Variants in CHRNB2 observed in about 807,000 individuals in gnomAD.
CHRNB2 encodes the protein cholinergic receptor nicotinic beta 2 subunit.
Under a neutral mutation model 42.7 loss-of-function variants are expected in CHRNB2, and 33 were observed. That is an observed-to-expected ratio of 0.77 (90% CI 0.59 to 1.03). The LOEUF (loss-of-function observed/expected upper bound fraction) is 1.03. Among genes scored for constraint, CHRNB2 ranks in the 50% least tolerant of loss-of-function variants. The pLI is 0.00. For missense variants in CHRNB2, 603 were observed against 700.9 expected (o/e 0.86, Z 1.58); for synonymous variants, 325 against 292.9 (o/e 1.11, Z -1.12).
intron 5 of CHRNB2, 28 bp downstream of exon 5, chr1:154,572,189 C>T (rs1417274465): frequency 6.5e-7 from 1 of 1,535,404 alleles, no homozygotes; most frequent in Non-Finnish European, 8.7e-7. Context: ...GGACCCCGGG[C>T]GTGAGATATG....
intron 1 of CHRNB2, among the ~76,000 whole-genome samples, chr1:154,568,916 A>G (rs1209237598): frequency 1.3e-5 from 2 of 151,986 alleles, no homozygotes; most frequent in African/African-American, 2.4e-5. Flanking sequence ...GGAGGATGGC[A>G]TCGTGACCAC....
In CHRNB2 at chr1:154,578,508, T is replaced by C. The variant is rs1457508410; in HGVS notation, c.*2576T>C. 1 of 152,178 alleles carries C rather than the reference T, an allele frequency of 6.6e-6. No individual in the cohort carries two copies. The highest frequency in any genetic ancestry group is 1.5e-5 in the Non-Finnish European group (1 of 68,048). The allele number at this position is 152,178 out of a possible 1,614,324, so 9.4% of individuals were successfully genotyped here. ...CTTCAGCAAGGAAGAAAGGGGTCAG[T>C]GTATATGAAAGGGTTACCTGGGCAG... On this transcript the variant is annotated 3_prime_UTR_variant, in exon 6 of 6. Transcript: ENST00000368476.
At position 154,579,129 on chromosome 1, in the gene CHRNB2, G is replaced by A. The variant is rs1394576807; in HGVS notation, c.*3197G>A. The A allele has an allele frequency of 6.6e-6, 1 of 152,190 alleles. No individual in the cohort carries two copies. Among genetic ancestry groups the A allele is most frequent in the Non-Finnish European group, 1.5e-5 (1 of 68,052 alleles). The allele number at this position is 152,190 out of a possible 1,614,324, so 9.4% of individuals were successfully genotyped here. A position where few individuals can be genotyped will look rare whatever the true frequency, so the allele number is the denominator to read the frequency against. ...GCCCCCAGGTGGTGTGTTCTACTGAGGAAGGCTACGGCAGAGGAAGGGCAA... is the reference window on the plus strand; with the variant it reads ...GCCCCCAGGTGGTGTGTTCTACTGAAGAAGGCTACGGCAGAGGAAGGGCAA... On this transcript the variant is annotated 3_prime_UTR_variant, in exon 6 of 6. Transcript: ENST00000368476.
chr1:154,571,438 C>G lies in CHRNB2; in HGVS notation c.615C>G (p.Ile205Met), dbSNP rs202243284. 6.2e-7 allele frequency: 1 copy of G among 1,614,162 alleles called. No individual in the cohort carries two copies. Among genetic ancestry groups the G allele is most frequent in the Admixed American group, 1.7e-5 (1 of 60,032 alleles). ...DDFTPSGEWD[I>M]VALPGRRNEN... ...TCACACCTAGTGGTGAGTGGGACATCGTGGCGCTGCCGGGCCGGCGCAACG... is the reference window on the plus strand; with the variant it reads ...TCACACCTAGTGGTGAGTGGGACATGGTGGCGCTGCCGGGCCGGCGCAACG... Residue 205 changes from isoleucine (I) to methionine (M), a missense_variant, in exon 5 of 6, where the codon ATC becomes ATG. Physicochemically the swap from Ile to Met is conservative, Grantham distance 10 (BLOSUM62 1). This residue lies in a region of CHRNB2 where 333 missense variants were observed against 452.6 expected (regional missense o/e 0.74). Coordinates refer to ENST00000368476, the MANE Select transcript of CHRNB2 (RefSeq NM_000748.3). The surrounding 1 kb of genome is among the most constrained non-coding windows in gnomAD (Gnocchi z 6.8).
At chr1:154,573,517 A>C (rs1696214895) in intron 5 of CHRNB2, among the ~76,000 whole-genome samples, 1 of 152,140 alleles carries the variant, frequency 6.6e-6, no homozygotes, top group Non-Finnish European at 1.5e-5. Flanking sequence ...AATTCATCAG[A>C]AGTCTTGTCC....
rs769478055 is a variant in CHRNB2 at position 154,571,574 on chromosome 1, C to G, written c.751C>G (p.Leu251Val). The G allele has an allele frequency of 1.2e-6, 2 of 1,614,208 alleles. No individual in the cohort carries two copies. Among genetic ancestry groups the G allele is most frequent in the Non-Finnish European group, 1.7e-6 (2 of 1,180,026 alleles). The change falls in exon 5 of 6, where the codon CTA becomes GTA. Residue 251 changes from leucine (L) to valine (V), a missense_variant. Physicochemically the swap from Leu to Val is conservative, Grantham distance 32. Around this residue, in one of 2 missense-constraint regions of CHRNB2, gnomAD observed 333 missense variants for 452.6 expected, o/e 0.74. Coordinates refer to ENST00000368476, the MANE Select transcript of CHRNB2 (RefSeq NM_000748.3). The surrounding 1 kb of genome is among the most constrained non-coding windows in gnomAD (Gnocchi z 6.8). ...LIIPCVLITSLAILVFYLPSD... is the reference protein window; with the variant it reads ...LIIPCVLITSVAILVFYLPSD... The stretch of plus-strand genomic sequence containing the variant: ...CATCCCCTGTGTGCTCATCACCTCG[C>G]TAGCCATCCTTGTCTTCTACCTGCC...
In CHRNB2 at chr1:154,572,152, T is replaced by C. The variant is rs1451511201; in HGVS notation, c.1329T>C (p.Asp443=). The C allele has an allele frequency of 2.6e-6, 4 of 1,537,312 alleles. No individual in the cohort carries two copies. Among genetic ancestry groups the C allele is most frequent in the Non-Finnish European group, 3.5e-6 (4 of 1,146,518 alleles). ...CAGACCACATGCGGAGCGAGGACGA[T>C]GACCAGAGCGTGAGTGCCGCAGGCT... ...FIADHMRSED[D]DQSVSEDWKY... is the part of the protein sequence containing the mutation. The change falls in exon 5 of 6, where the codon GAT becomes GAC. Residue 443 remains aspartate, a synonymous_variant. Transcript: ENST00000368476.
Position 154,578,356 on chromosome 1 carries a change from T to C in CHRNB2, c.*2424T>C, listed in dbSNP as rs1180874747. The C allele has an allele frequency of 6.6e-6, 1 of 152,268 alleles. No homozygotes were observed. The highest frequency in any genetic ancestry group is 2.4e-5 in the African/African-American group (1 of 41,462). 9.4% of individuals were successfully genotyped at this position (152,268 alleles called of 1,614,324 possible). A position where few individuals can be genotyped will look rare whatever the true frequency, so the allele number is the denominator to read the frequency against. On this transcript the variant is annotated 3_prime_UTR_variant, in exon 6 of 6. Coordinates refer to ENST00000368476, the MANE Select transcript of CHRNB2 (RefSeq NM_000748.3). ...AGAGGGGATGGCAGAGAGCAGCTTG[T>C]CCAGCTCCTCTCCATGACCCGGTTA...
chr1:154,571,573 G>C lies in CHRNB2; in HGVS notation c.750G>C (p.Ser250=). The C allele has an allele frequency of 6.2e-7, 1 of 1,614,112 alleles. No homozygotes were observed. Among genetic ancestry groups the C allele is most frequent in the South Asian group, 1.1e-5 (1 of 91,082 alleles). ...NLIIPCVLIT[S]LAILVFYLPS... is the part of the protein sequence containing the mutation. ...TCATCCCCTGTGTGCTCATCACCTC[G>C]CTAGCCATCCTTGTCTTCTACCTGC... The change falls in exon 5 of 6, where the codon TCG becomes TCC. Residue 250 remains serine (S), a synonymous_variant. Transcript: ENST00000368476. The surrounding 1 kb of genome is among the most constrained non-coding windows in gnomAD (Gnocchi z 6.8).
At chr1:154,575,061 T>C (rs1696245031) in intron 5 of CHRNB2, among the ~76,000 whole-genome samples, 1 of 152,184 alleles carries the variant, frequency 6.6e-6, no homozygotes, top group African/African-American at 2.4e-5. Context: ...TCTGGGGACG[T>C]AGTGTGGTTG....
In CHRNB2 at chr1:154,571,913, C is replaced by T. The variant is rs1696175146; in HGVS notation, c.1090C>T (p.Arg364Trp). 9 of 1,572,306 alleles carry T rather than the reference C, an allele frequency of 5.7e-6. No homozygotes were observed. Among genetic ancestry groups the T allele is most frequent in the Non-Finnish European group, 7.7e-6 (9 of 1,163,722 alleles). The change falls in exon 5 of 6, where the codon CGG (arginine) becomes TGG (tryptophan). Residue 364 changes from arginine (R) to tryptophan (W), a missense_variant. Physicochemically the swap from Arg to Trp is moderately radical, Grantham distance 101 (BLOSUM62 -3). This residue lies in a region of CHRNB2 where 270 missense variants were observed against 248.3 expected (regional missense o/e 1.09). Transcript: ENST00000368476. The surrounding 1 kb of genome is among the most constrained non-coding windows in gnomAD (Gnocchi z 6.8). ...TTGCGCCCGTCAGCGCCTGCGCCTG[C>T]GGCGACGCCAGCGTGAGCGCGAGGG... is the stretch of plus-strand genomic sequence containing the variant. ...HHCARQRLRL[R>W]RRQREREGAG... is the part of the protein sequence containing the mutation.
intron 5 of CHRNB2, among the ~76,000 whole-genome samples, chr1:154,575,540 G>GT (rs1189788863): frequency 2.0e-5 from 3 of 152,114 alleles, no homozygotes; most frequent in Non-Finnish European, 4.4e-5. Context: ...CATATTTGTC[G>GT]TGGGTGGTCT....
chr1:154,573,249 G>A (rs953311639), intron 5 of CHRNB2, among the ~76,000 whole-genome samples: 2 of 152,284 alleles, frequency 1.3e-5, no homozygotes, highest in Middle Eastern at 3.4e-3. Context: ...TGTGGTTACC[G>A]CCTCCACCTC....
At position 154,567,872 on chromosome 1, in the gene CHRNB2, T is replaced by A. The variant is rs1052840496; in HGVS notation, c.-173T>A. On this transcript the variant is annotated 5_prime_UTR_variant, in exon 1 of 6. Coordinates refer to ENST00000368476, the MANE Select transcript of CHRNB2 (RefSeq NM_000748.3). Reference sequence around the variant, plus strand: ...TACCAGGATAGGCAAGAAGCTGGTTTCTCCTCGCAGCCGGCTCCCTGAGGC... The same window carrying A: ...TACCAGGATAGGCAAGAAGCTGGTTACTCCTCGCAGCCGGCTCCCTGAGGC... 5 of 499,096 alleles carry A rather than the reference T, an allele frequency of 1.0e-5. No individual in the cohort carries two copies. Among genetic ancestry groups the A allele is most frequent in the South Asian group, 3.4e-5 (1 of 29,258 alleles). The allele number at this position is 499,096 out of a possible 1,614,324, so 30.9% of individuals were successfully genotyped here. A position where few individuals can be genotyped will look rare whatever the true frequency, so the allele number is the denominator to read the frequency against.
Position 154,571,164 on chromosome 1 carries a change from G to T in CHRNB2, c.366-25G>T, listed in dbSNP as rs779446847. On this transcript the variant is annotated intron_variant, in intron 4 of 5. Transcript: ENST00000368476. The surrounding 1 kb of genome is among the most constrained non-coding windows in gnomAD (Gnocchi z 6.8). ...AGGAGGAAGGAACGCTTAGGCCAGG[G>T]CTGACTGTGCCCATCCTTTGGCAGT... The T allele has an allele frequency of 1.9e-6, 3 of 1,613,890 alleles. No homozygotes were observed. Among genetic ancestry groups the T allele is most frequent in the Non-Finnish European group, 1.7e-6 (2 of 1,180,028 alleles).
intron 5 of CHRNB2, 86 bp from the exon 6 acceptor site, chr1:154,575,676 G>T: frequency 7.7e-7 from 1 of 1,297,886 alleles, no homozygotes. Flanking sequence ...AGTGGGGTGT[G>T]TGTCTGTGTG....
At position 154,571,384 on chromosome 1, in the gene CHRNB2, G is replaced by A; in HGVS notation, c.561G>A (p.Leu187=). ...ACCGCACAGAGATCGACTTGGTGCT[G>A]AAGAGTGAGGTGGCCAGCCTGGACG... ...TYDRTEIDLV[L]KSEVASLDDF... is the part of the protein sequence containing the mutation. Residue 187 remains leucine (L), a synonymous_variant, in exon 5 of 6, where the codon CTG becomes CTA. Coordinates refer to ENST00000368476, the MANE Select transcript of CHRNB2 (RefSeq NM_000748.3). The surrounding 1 kb of genome is among the most constrained non-coding windows in gnomAD (Gnocchi z 6.8). 1 of 1,614,242 alleles carries A rather than the reference G, an allele frequency of 6.2e-7. No homozygotes were observed.
At position 154,572,063 on chromosome 1, in the gene CHRNB2, G is replaced by T. The variant is rs1024048381; in HGVS notation, c.1240G>T (p.Gly414Trp). 1 of 1,533,788 alleles carries T rather than the reference G, an allele frequency of 6.5e-7. No homozygotes were observed. The highest frequency in any genetic ancestry group is 1.4e-5 in the African/African-American group (1 of 73,084). ...GAEPAPVAGP[G>W]RSGEPCGCGL... ...TGAGCCTGCACCAGTGGCGGGCCCC[G>T]GGCGCTCAGGGGAGCCGTGTGGCTG... The change falls in exon 5 of 6, where the codon GGG becomes TGG. Residue 414 changes from glycine (G) to tryptophan (W), a missense_variant. By Grantham distance (184) the Gly-to-Trp change is radical. This residue lies in a region of CHRNB2 where 270 missense variants were observed against 248.3 expected (regional missense o/e 1.09). Transcript: ENST00000368476.
Position 154,571,926 on chromosome 1 carries a change from G to A in CHRNB2, c.1103G>A (p.Arg368His), listed in dbSNP as rs202114705. 2.6e-6 allele frequency: 4 copies of A among 1,559,622 alleles called. No homozygotes were observed. Among genetic ancestry groups the A allele is most frequent in the East Asian group, 2.4e-5 (1 of 41,954 alleles). The change falls in exon 5 of 6, where the codon CGT (arginine) becomes CAT (histidine). Residue 368 changes from arginine (R) to histidine (H), a missense_variant. Arg to His is a conservative substitution (Grantham distance 29, BLOSUM62 0). Around this residue, in one of 2 missense-constraint regions of CHRNB2, gnomAD observed 270 missense variants for 248.3 expected, o/e 1.09. Coordinates refer to ENST00000368476, the MANE Select transcript of CHRNB2 (RefSeq NM_000748.3). The surrounding 1 kb of genome is among the most constrained non-coding windows in gnomAD (Gnocchi z 6.8). ...RQRLRLRRRQ[R>H]EREGAGALFF... ...CGCCTGCGCCTGCGGCGACGCCAGC[G>A]TGAGCGCGAGGGCGCTGGAGCCCTC...
Sources: gnomAD v4.1 joint callset for allele counts (sites outside exome capture counted in the v4.1 genomes callset) on GRCh38, gnomAD v4.1.1 for gene constraint, gnomAD v4.1.1 regional missense constraint, Gnocchi (gnomAD v3.1) non-coding constraint, MANE v1.5 for transcripts, NCBI Gene and HGNC (gene_info 2026-07-23, HGNC 2026-07-21) for gene names.